PIK3C2G: variants seen among roughly 807,000 people sequenced by gnomAD.
The protein encoded by PIK3C2G is phosphatidylinositol-4-phosphate 3-kinase catalytic subunit type 2 gamma.
PIK3C2G carries 168 observed loss-of-function variants against 181.1 expected under a neutral mutation model. The ratio of observed to expected loss-of-function variants is 0.93; its 90% confidence interval spans 0.82 to 1.05. The LOEUF (loss-of-function observed/expected upper bound fraction) is 1.05. Ranked by LOEUF, PIK3C2G falls within the 50% of genes least tolerant of loss-of-function variation. PIK3C2G has a pLI of 0.00. For missense variants in PIK3C2G, 1,869 were observed against 1,732.8 expected, an observed-to-expected ratio of 1.08 and a Z score of -1.40; for synonymous variants, 573 against 592.2, an observed-to-expected ratio of 0.97 and a Z score of 0.47.
chr12:18,618,298 A>G (rs952612045), intron 31 of PIK3C2G, among the ~76,000 whole-genome samples: 8 of 152,158 alleles, frequency 5.3e-5, no homozygotes, highest in African/African-American at 1.9e-4. Flanking sequence ...CCGATAAAAG[A>G]CAGAAGGGTA....
At chr12:18,719,471 C>G in the PIK3C2G span, 1 of 1,563,884 alleles carries the variant, frequency 6.4e-7, no homozygotes, top group African/African-American at 1.4e-5. Context: ...AATAATTGAT[C>G]AGATACCAAA....
chr12:18,544,651 A>G (rs1265046601), intron 25 of PIK3C2G, among the ~76,000 whole-genome samples: 3 of 151,828 alleles, frequency 2.0e-5, no homozygotes, highest in Non-Finnish European at 4.4e-5. Flanking sequence ...GTGGCAGTGT[A>G]AATGAAACAG....
intron 18 of PIK3C2G, among the ~76,000 whole-genome samples, chr12:18,475,940 ATT>A (rs1938942051): frequency 6.6e-6 from 1 of 152,140 alleles, no homozygotes; most frequent in African/African-American, 2.4e-5. Context: ...TAATTCATTT[ATT>A]CAAGAAATAT....
chr12:18,340,280 T>C (rs1162230885), intron 9 of PIK3C2G, among the ~76,000 whole-genome samples: 1 of 150,328 alleles, frequency 6.7e-6, no homozygotes. Flanking sequence ...CAATAGCTGA[T>C]AGGCTAAAAA....
At chr12:18,243,905 G>A (rs1565519419), upstream of PIK3C2G, among the ~76,000 whole-genome samples, 1 of 151,930 alleles carries the variant, frequency 6.6e-6, no homozygotes, top group Non-Finnish European at 1.5e-5. Context: ...TGAACATCCT[G>A]AGGATGTTTA....
At chr12:18,632,308 C>T (rs920991613) in intron 31 of PIK3C2G, among the ~76,000 whole-genome samples, 3 of 152,170 alleles carry the variant, frequency 2.0e-5, no homozygotes, top group Non-Finnish European at 4.4e-5. Context: ...TGCTTAAGTA[C>T]TGTCCTCACA....
chr12:18,639,447 T>G (rs1949751357), intron 31 of PIK3C2G, among the ~76,000 whole-genome samples: 1 of 152,132 alleles, frequency 6.6e-6, no homozygotes, highest in African/African-American at 2.4e-5. Context: ...AACAAGCACT[T>G]AATTCCTCAA....
chr12:18,693,194 A>T, the PIK3C2G span: 3 of 1,564,210 alleles, frequency 1.9e-6, no homozygotes, highest in Admixed American at 3.3e-5. Context: ...TTTCATTTGC[A>T]GACAAGGATC....
At chr12:18,362,967 G>A in intron 12 of PIK3C2G, 81 bp downstream of exon 12, 2 of 1,137,450 alleles carry the variant, frequency 1.8e-6, no homozygotes, top group Non-Finnish European at 2.4e-6. Context: ...AGCAAGGGAT[G>A]TAATTTAAAA....
chr12:18,378,418 T>TA (rs1442295374), intron 13 of PIK3C2G, among the ~76,000 whole-genome samples: 4 of 152,074 alleles, frequency 2.6e-5, no homozygotes, highest in Admixed American at 2.6e-4. Context: ...CTCTTTTGGA[T>TA]AAAAAACCTA....
chr12:18,665,583 G>A, the PIK3C2G span, among the ~76,000 whole-genome samples: 5 of 152,030 alleles, frequency 3.3e-5, no homozygotes, highest in East Asian at 1.9e-4. Context: ...ACCTGAGGTC[G>A]GGAGTTGGAG....
intron 9 of PIK3C2G, among the ~76,000 whole-genome samples, chr12:18,342,526 T>G (rs1172030834): frequency 1.3e-5 from 2 of 151,950 alleles, no homozygotes; most frequent in African/African-American, 4.8e-5. Context: ...ATTTTGAGTT[T>G]ATAAATTTAA....
intron 5 of PIK3C2G, among the ~76,000 whole-genome samples, chr12:18,303,399 A>C (rs1950292695): frequency 6.6e-6 from 1 of 151,006 alleles, no homozygotes; most frequent in African/African-American, 2.4e-5. Flanking sequence ...CAGTGGCATG[A>C]TCTTGGCTCA....
At chr12:18,436,842 T>A (rs1946476342) in intron 18 of PIK3C2G, among the ~76,000 whole-genome samples, 1 of 152,054 alleles carries the variant, frequency 6.6e-6, no homozygotes, top group Non-Finnish European at 1.5e-5. Flanking sequence ...GTTACATTGA[T>A]CCCGTTCATA....
intron 25 of PIK3C2G, among the ~76,000 whole-genome samples, chr12:18,543,471 T>C (rs1231860041): frequency 6.6e-6 from 1 of 152,022 alleles, no homozygotes; most frequent in African/African-American, 2.4e-5. Context: ...TGCCCATTCC[T>C]ATGTCCAGGA....
At chr12:18,583,633 G>A (rs761965849) in intron 29 of PIK3C2G, among the ~76,000 whole-genome samples, 1 of 152,150 alleles carries the variant, frequency 6.6e-6, no homozygotes, top group Non-Finnish European at 1.5e-5. Flanking sequence ...CATACTGTTT[G>A]CCACACAGGT....
the PIK3C2G span, among the ~76,000 whole-genome samples, chr12:18,665,387 A>G: frequency 6.6e-6 from 1 of 152,126 alleles, no homozygotes; most frequent in South Asian, 2.1e-4. Flanking sequence ...TATGTTTTAT[A>G]TTATTTGTAT....
At chr12:18,440,353 C>T (rs903839775) in intron 18 of PIK3C2G, among the ~76,000 whole-genome samples, 2 of 151,998 alleles carry the variant, frequency 1.3e-5, no homozygotes, top group African/African-American at 4.8e-5. Context: ...GACAAAAAAC[C>T]CAGTCCTTCC....
At chr12:18,657,114 C>A in the PIK3C2G span, among the ~76,000 whole-genome samples, 41,516 of 152,054 alleles carry the variant, frequency 0.27, 7,019 homozygotes, top group South Asian at 0.49. Flanking sequence ...GAACTCAAAT[C>A]TCTACCAGTG....
Sources: allele counts gnomAD v4.1 joint callset (sites outside exome capture counted in the v4.1 genomes callset), GRCh38; gene constraint gnomAD v4.1.1; transcripts MANE v1.5; gene names NCBI Gene and HGNC (gene_info 2026-07-23, HGNC 2026-07-21).